Variants in COL21A1 observed in about 807,000 individuals in gnomAD.
COL21A1 encodes the protein collagen type XXI alpha 1 chain.
A neutral mutation model predicts 137.9 loss-of-function variants in COL21A1; 149 were observed. The observed-to-expected ratio is 1.08, with a 90% CI of 0.95 to 1.24. The LOEUF (loss-of-function observed/expected upper bound fraction) is 1.24. COL21A1 is among the 50% of genes most tolerant of loss of function. COL21A1 has a pLI of 0.00. For synonymous variants in COL21A1, 456 were observed against 391.5 expected (o/e 1.16, Z -1.95); for missense variants, 1,167 against 1,158.4 (o/e 1.01, Z -0.11).
At chr6:56,376,930 G>T (rs1444039753) in intron 1 of COL21A1, among the ~76,000 whole-genome samples, 1 of 144,738 alleles carries the variant, frequency 6.9e-6, no homozygotes, top group Non-Finnish European at 1.5e-5. Context: ...CACAGTACTT[G>T]GTTTTAACTT....
At position 56,275,237 on chromosome 6, in the gene COL21A1, A is replaced by T. The variant is rs370170884; in HGVS notation, c.-38-92581T>A. On this transcript the variant is annotated intron_variant, in intron 1 of 28. Transcript: ENST00000370819. ...CCCAAGATAGATTAAAGATTTAAAT[A>T]TAAGACCTCAAACTATAAAAATCCT... 1.3e-4 allele frequency among the ~76,000 whole-genome samples: 20 copies of T among 152,286 alleles called. No individual in the cohort carries two copies. In the South Asian group the frequency reaches 2.1e-3, roughly 16 times the overall value.
At chr6:56,069,717 C>G (rs1396384119) in intron 21 of COL21A1, among the ~76,000 whole-genome samples, 1 of 150,256 alleles carries the variant, frequency 6.7e-6, no homozygotes, top group African/African-American at 2.4e-5. Context: ...CTTATGCTAT[C>G]ATATTTTTCA....
At chr6:56,234,800 T>C (rs1450011386) in intron 1 of COL21A1, among the ~76,000 whole-genome samples, 1 of 151,818 alleles carries the variant, frequency 6.6e-6, no homozygotes, top group Non-Finnish European at 1.5e-5. Flanking sequence ...CATATTCATC[T>C]CTTAAAAGCT....
intron 1 of COL21A1, among the ~76,000 whole-genome samples, chr6:56,229,671 T>C (rs188973111): frequency 3.2e-4 from 49 of 152,046 alleles, no homozygotes; most frequent in Middle Eastern, 3.4e-3. Context: ...AGGAGTATGG[T>C]CATTTTCCAA....
intron 1 of COL21A1, among the ~76,000 whole-genome samples, chr6:56,259,906 A>T (rs1376212885): frequency 6.6e-6 from 1 of 152,254 alleles, no homozygotes; most frequent in Admixed American, 6.5e-5. Context: ...CAGCCAGTTC[A>T]GCCTTTGCTT....
intron 1 of COL21A1, among the ~76,000 whole-genome samples, chr6:56,285,147 A>G (rs541379415): frequency 6.6e-6 from 1 of 152,266 alleles, no homozygotes; most frequent in African/African-American, 2.4e-5. Flanking sequence ...CCTTCATCCA[A>G]TGGATGCTAT....
chr6:56,335,358 G>C (rs1345228945), intron 1 of COL21A1, among the ~76,000 whole-genome samples: 2 of 152,140 alleles, frequency 1.3e-5, no homozygotes, highest in African/African-American at 2.4e-5. Flanking sequence ...AGATCAGCCT[G>C]CTACAAGTCA....
chr6:56,267,596 A>G (rs895784289), intron 1 of COL21A1, among the ~76,000 whole-genome samples: 3 of 152,022 alleles, frequency 2.0e-5, no homozygotes, highest in Non-Finnish European at 2.9e-5. Flanking sequence ...CATCTCTACT[A>G]AAAATACAAA....
rs1033416173 is a variant in COL21A1, at chr6:56,380,926, G to A, written c.-39+13045C>T. Among the ~76,000 whole-genome samples, 5 of 152,106 alleles carry A rather than the reference G, an allele frequency of 3.3e-5. No individual in the cohort carries two copies. In the East Asian group the frequency reaches 9.7e-4, roughly 29 times the overall value. ...AAATACATAACAATAATATGTATTC[G>A]GTAAGGTGTCTTTAAATAGAAATAC... is the stretch of plus-strand genomic sequence containing the variant. On this transcript the variant is annotated intron_variant, in intron 1 of 28. Transcript: ENST00000370819.
At chr6:56,231,033 T>C (rs973451478) in intron 1 of COL21A1, 5 of 151,914 alleles carry the variant, frequency 3.3e-5, no homozygotes, top group African/African-American at 1.2e-4. Flanking sequence ...GGAAAAATGC[T>C]TGCTGACCAG....
At chr6:56,098,859 G>C (rs1159752113) in intron 17 of COL21A1, among the ~76,000 whole-genome samples, 1 of 147,988 alleles carries the variant, frequency 6.8e-6, no homozygotes, top group African/African-American at 2.5e-5. Flanking sequence ...GGGACTACAG[G>C]CACGTGCCAC....
chr6:56,148,187 C>T (rs531104042), intron 10 of COL21A1, among the ~76,000 whole-genome samples: 4 of 152,196 alleles, frequency 2.6e-5, no homozygotes, highest in African/African-American at 7.2e-5. Context: ...TTTCATACAG[C>T]GATGCCTTTT....
Position 56,061,038 on chromosome 6 carries a change from C to T in COL21A1, c.2206-1G>A, listed in dbSNP as rs2114034108. 6.4e-7 allele frequency: 1 copy of T among 1,571,610 alleles called. No homozygotes were observed. The highest frequency in any genetic ancestry group is 8.6e-7 in the Non-Finnish European group (1 of 1,166,842). On this transcript the variant is annotated splice_acceptor_variant, in intron 25 of 29. Transcript: ENST00000244728. LOFTEE classifies it high-confidence loss of function. ...CACCAGGTTCTCCCTTTTCACCTCT[C>T]TAAAAGCAAAAGAAATCTTTACAAG...
chr6:56,252,351 A>T (rs1345708641), upstream of COL21A1, among the ~76,000 whole-genome samples: 1 of 152,140 alleles, frequency 6.6e-6, no homozygotes, highest in Non-Finnish European at 1.5e-5. Flanking sequence ...TTTGCATGTT[A>T]AGCTCCGTAA....
At chr6:56,104,398 C>T (rs1770701234) in intron 16 of COL21A1, among the ~76,000 whole-genome samples, 1 of 152,130 alleles carries the variant, frequency 6.6e-6, no homozygotes, top group Non-Finnish European at 1.5e-5. Flanking sequence ...AGAACACTCT[C>T]TTCATTTTTT....
chr6:56,234,080 C>T (rs1781754200), intron 1 of COL21A1, among the ~76,000 whole-genome samples: 1 of 151,482 alleles, frequency 6.6e-6, no homozygotes, highest in African/African-American at 2.4e-5. Flanking sequence ...TAATAAAAGA[C>T]AAGAAAGCAT....
intron 17 of COL21A1, among the ~76,000 whole-genome samples, chr6:56,085,151 G>A (rs1228019904): frequency 6.6e-6 from 1 of 151,782 alleles, no homozygotes; most frequent in Non-Finnish European, 1.5e-5. Context: ...TAATATATTA[G>A]ATCTATAATT....
chr6:56,109,171 G>A (rs1771201105), intron 16 of COL21A1, among the ~76,000 whole-genome samples: 1 of 151,396 alleles, frequency 6.6e-6, no homozygotes, highest in African/African-American at 2.4e-5. Context: ...TAGAAAAAAT[G>A]TAGGAAAAAA....
intron 1 of COL21A1, among the ~76,000 whole-genome samples, chr6:56,294,290 C>A (rs150927851): frequency 2.2e-3 from 336 of 152,160 alleles, no homozygotes; most frequent in African/African-American, 7.6e-3. Flanking sequence ...GAAAATCAAT[C>A]AATACATTCC....
Sources: allele counts gnomAD v4.1 joint callset (sites outside exome capture counted in the v4.1 genomes callset), GRCh38; gene constraint gnomAD v4.1.1; transcripts MANE v1.5; gene names NCBI Gene and HGNC (gene_info 2026-07-23, HGNC 2026-07-21).